GLB1: variants seen among roughly 807,000 people sequenced by gnomAD.
GLB1 encodes galactosidase beta 1.
GLB1 carries 56 observed loss-of-function variants against 74.0 expected under a neutral mutation model. The observed-to-expected ratio is 0.76, with a 90% CI of 0.61 to 0.94. The LOEUF is 0.94. Among genes scored for constraint, GLB1 ranks in the 40% least tolerant of loss-of-function variants. The pLI is 0.00. For missense variants in GLB1, 787 were observed against 845.5 expected (o/e 0.93, Z 0.86); for synonymous variants, 323 against 323.6 (o/e 1.00, Z 0.02).
intron 12 of GLB1, 37 bp from the exon 13 acceptor site, chr3:33,018,598 T>C: frequency 6.2e-7 from 1 of 1,604,922 alleles, no homozygotes; most frequent in Non-Finnish European, 8.5e-7. Flanking sequence ...TACATCACTA[T>C]TGCCATTCAT....
intron 15 of GLB1, among the ~76,000 whole-genome samples, chr3:32,998,508 G>A (rs1351166336): frequency 1.8e-4 from 26 of 144,880 alleles, no homozygotes; most frequent in Admixed American, 1.3e-3. Context: ...GCAAGACTCC[G>A]TCTCAAAAAA....
chr3:32,981,411 A>AAAAAAG, the GLB1 span, among the ~76,000 whole-genome samples: 113 of 148,902 alleles, frequency 7.6e-4, no homozygotes, highest in African/African-American at 2.6e-3. Flanking sequence ...AAAAAAAAAA[A>AAAAAAG]AAAAAGAAAA....
At position 33,051,906 on chromosome 3, in the gene GLB1, A is replaced by C; in HGVS notation, c.891T>G (p.Leu297=). ...ACAAGTTCACACTCGCCCCACGGGC[A>C]AGTATATCATAGAGGGAGGAAGCCA... ...EAVASSLYDI[L]ARGASVNLYM... The change falls in exon 8 of 16, where the codon CTT becomes CTG. Residue 297 remains leucine, a synonymous_variant. Transcript: ENST00000307363. The C allele has an allele frequency of 6.2e-7, 1 of 1,614,232 alleles. No homozygotes were observed. The highest frequency in any genetic ancestry group is 8.5e-7 in the Non-Finnish European group (1 of 1,180,044).
chr3:33,013,972 T>C (rs1697132350), intron 15 of GLB1, 84 bp downstream of exon 15: 2 of 1,608,138 alleles, frequency 1.2e-6, no homozygotes, highest in African/African-American at 1.3e-5. Flanking sequence ...GATATCTCAC[T>C]AACAGCTCTT....
chr3:33,090,063 G>A (rs577249825), intron 1 of GLB1, among the ~76,000 whole-genome samples: 1 of 152,304 alleles, frequency 6.6e-6, no homozygotes, highest in East Asian at 1.9e-4. Flanking sequence ...CTCAGAGAGT[G>A]GAAAGAACAC....
At position 33,092,192 on chromosome 3, in the gene GLB1, CAG is replaced by C. The variant is rs1209722919; in HGVS notation, c.75+4817_75+4818del. 5 of 985,720 alleles carry C rather than the reference CAG, an allele frequency of 5.1e-6. No individual in the cohort carries two copies. In the East Asian group the frequency reaches 5.7e-4, roughly 111 times the overall value. 61.1% of individuals were successfully genotyped at this position (985,720 alleles called of 1,614,324 possible). A position where few individuals can be genotyped will look rare whatever the true frequency, so the allele number is the denominator to read the frequency against. ...CCTTGCCCCCAAAGGCCCAGGAGCA[CAG>C]ACAGTTAAATAGCATCCCTCAAGGC... On this transcript the variant is annotated intron_variant, in intron 1 of 15. Coordinates refer to ENST00000307363, the MANE Select transcript of GLB1 (RefSeq NM_000404.4).
chr3:32,964,306 C>T, the GLB1 span, among the ~76,000 whole-genome samples: 1 of 152,142 alleles, frequency 6.6e-6, no homozygotes, highest in Non-Finnish European at 1.5e-5. Flanking sequence ...TCACATGGAG[C>T]ATTGTGTGGT....
At position 32,997,086 on chromosome 3, in the gene GLB1, G is replaced by T. The variant is rs1575392393; in HGVS notation, c.1993C>A (p.Pro665Thr). ...CATGAATCTTTGTTTTTTTGCGGGG[G>T]TGGGGGCATGAGTCTTTTTTCAACA... is the stretch of plus-strand genomic sequence containing the variant. Reference protein sequence around the residue: ...KPVEKRLMPPPPQKNKDSWLD... With the variant: ...KPVEKRLMPPTPQKNKDSWLD... The change falls in exon 16 of 16, where the codon CCC becomes ACC. Residue 665 changes from proline (P) to threonine (T), a missense_variant. Coordinates refer to ENST00000307363, the MANE Select transcript of GLB1 (RefSeq NM_000404.4). The T allele has an allele frequency of 1.9e-6, 3 of 1,614,086 alleles. No homozygotes were observed. Among genetic ancestry groups the T allele is most frequent in the Non-Finnish European group, 2.5e-6 (3 of 1,180,008 alleles).
intron 1 of GLB1, among the ~76,000 whole-genome samples, chr3:33,083,784 A>ATT (rs60066820): frequency 1.3e-5 from 2 of 151,966 alleles, no homozygotes; most frequent in Non-Finnish European, 2.9e-5. Context: ...GGCCAATGTA[A>ATT]TTTTTTAAAA....
intron 10 of GLB1, among the ~76,000 whole-genome samples, chr3:33,042,803 T>C (rs1698561103): frequency 6.6e-6 from 1 of 152,244 alleles, no homozygotes; most frequent in Non-Finnish European, 1.5e-5. Context: ...GGCGGAGATA[T>C]GCCACATGGC....
intron 15 of GLB1, among the ~76,000 whole-genome samples, chr3:33,008,386 G>A (rs1696870178): frequency 6.6e-6 from 1 of 152,162 alleles, no homozygotes; most frequent in Admixed American, 6.6e-5. Context: ...AAGAAGGTGG[G>A]GAGGAGATTC....
Position 33,051,954 on chromosome 3 carries a change from G to A in GLB1, c.843C>T (p.His281=), listed in dbSNP as rs1486962222. 1.9e-6 allele frequency: 3 copies of A among 1,614,246 alleles called. No individual in the cohort carries two copies. Among genetic ancestry groups the A allele is most frequent in the Non-Finnish European group, 2.5e-6 (3 of 1,180,056 alleles). ...TGWLDHWGQP[H]STIKTEAVAS... Reference sequence around the variant, plus strand: ...CCACTGCTTCGGTCTTGATTGTGGAGTGAGGTTGGCCCCAGTGATCTAGCC... The same window carrying A: ...CCACTGCTTCGGTCTTGATTGTGGAATGAGGTTGGCCCCAGTGATCTAGCC... Residue 281 remains histidine, a synonymous_variant, in exon 8 of 16, where the codon CAC becomes CAT. Transcript: ENST00000307363.
In GLB1 at chr3:33,071,842, C is replaced by T. The variant is rs73828766; in HGVS notation, c.245+702G>A. On this transcript the variant is annotated intron_variant, in intron 2 of 15. Coordinates refer to ENST00000307363, the MANE Select transcript of GLB1 (RefSeq NM_000404.4). The stretch of plus-strand genomic sequence containing the variant: ...ACCTCTCCCTTCTCCCTTCTAGACC[C>T]TCATTGCAGAGGGGTCCTGCTCCAT... Among the ~76,000 whole-genome samples, 632 of 152,230 alleles carry T rather than the reference C, an allele frequency of 4.2e-3. 7 individuals carry two copies. The highest frequency in any genetic ancestry group is 0.014 in the African/African-American group (598 of 41,532).
At chr3:33,022,392 G>A (rs557451524) in intron 11 of GLB1, among the ~76,000 whole-genome samples, 10 of 151,750 alleles carry the variant, frequency 6.6e-5, no homozygotes, top group East Asian at 3.9e-4. Flanking sequence ...GAGATACAGC[G>A]TTTTACATGC....
chr3:32,991,774 G>C (rs1012144274), downstream of GLB1, among the ~76,000 whole-genome samples: 11 of 152,194 alleles, frequency 7.2e-5, no homozygotes, highest in African/African-American at 2.4e-4. Flanking sequence ...CCAAATAGCA[G>C]GCAAGTGAGT....
rs374993572 is a variant in GLB1, at chr3:33,074,348, G to A, written c.76-1635C>T. On this transcript the variant is annotated intron_variant, in intron 1 of 15. Transcript: ENST00000307363. ...AAGAAGGAAGGAAGGAAGGAAGGAA[G>A]GAAGGAAGGAAGGAAGGAAGGAAGG... Among the ~76,000 whole-genome samples the A allele has an allele frequency of 1.7e-4, 12 of 71,584 alleles. No homozygotes were observed. The East Asian group carries it at 5.0e-3, about 30-fold the overall frequency. The allele number at this position is 71,584 out of a possible 152,430, so 47.0% of individuals were successfully genotyped here. A position where few individuals can be genotyped will look rare whatever the true frequency, so the allele number is the denominator to read the frequency against.
At chr3:33,063,345 G>C (rs1490539289) in intron 5 of GLB1, among the ~76,000 whole-genome samples, 1 of 152,060 alleles carries the variant, frequency 6.6e-6, no homozygotes. Flanking sequence ...TGTTTTTTCT[G>C]CTTTCTTATG....
In GLB1 at chr3:33,093,888, A is replaced by T; in HGVS notation, c.75+3123T>A. 6.2e-7 allele frequency: 1 copy of T among 1,613,956 alleles called. No homozygotes were observed. Among genetic ancestry groups the T allele is most frequent in the Non-Finnish European group, 8.5e-7 (1 of 1,179,952 alleles). On this transcript the variant is annotated intron_variant, in intron 1 of 15. Coordinates refer to ENST00000307363, the MANE Select transcript of GLB1 (RefSeq NM_000404.4). The surrounding 1 kb of genome is among the most constrained non-coding windows in gnomAD (Gnocchi z 6.0). ...GGGCTCTTCGGCCACTAAAAAGAAC[A>T]TGGTAAAGAAACTGGAATGGGCCAG...
chr3:33,061,273 G>C (rs1194307892), intron 5 of GLB1, among the ~76,000 whole-genome samples: 1 of 152,144 alleles, frequency 6.6e-6, no homozygotes, highest in African/African-American at 2.4e-5. Flanking sequence ...AATTAGCCAG[G>C]CATGATGGCA....
Sources: allele counts gnomAD v4.1 joint callset (sites outside exome capture counted in the v4.1 genomes callset), GRCh38; gene constraint gnomAD v4.1.1; non-coding constraint Gnocchi (gnomAD v3.1); transcripts MANE v1.5; gene names NCBI Gene and HGNC (gene_info 2026-07-23, HGNC 2026-07-21).